Variants in CAMK1D observed in about 807,000 individuals in gnomAD.
The protein encoded by CAMK1D is calcium/calmodulin dependent protein kinase ID, also known as calcium/calmodulin-dependent protein kinase type 1D.
Under a neutral mutation model 47.7 loss-of-function variants are expected in CAMK1D, and 9 were observed. The observed-to-expected ratio is 0.19, with a 90% CI of 0.11 to 0.33. CAMK1D has a LOEUF of 0.33. Ranked by LOEUF, CAMK1D falls within the 10% of genes least tolerant of loss-of-function variation. CAMK1D has a pLI of 1.00. For synonymous variants in CAMK1D, 184 were observed against 184.9 expected, an observed-to-expected ratio of 0.99 and a Z score of 0.04; for missense variants, 291 against 488.7, an observed-to-expected ratio of 0.60 and a Z score of 3.81.
chr10:12,524,200 C>G (rs113678846), intron 1 of CAMK1D, among the ~76,000 whole-genome samples: 3 of 151,648 alleles, frequency 2.0e-5, no homozygotes, highest in African/African-American at 7.3e-5. Context: ...CTCCTGAGAT[C>G]GTAATCCGCC....
At chr10:12,637,404 C>G (rs1397198258) in intron 2 of CAMK1D, among the ~76,000 whole-genome samples, 1 of 152,204 alleles carries the variant, frequency 6.6e-6, no homozygotes, top group Non-Finnish European at 1.5e-5. Context: ...AAGTAGGTCC[C>G]TTCAGTGTTG....
rs187115703 is a variant in CAMK1D at position 12,772,461 on chromosome 10, G to A, written c.565+2662G>A. Among the ~76,000 whole-genome samples, 7 of 152,246 alleles carry A rather than the reference G, an allele frequency of 4.6e-5. 1 individual carries two copies. The highest frequency in any genetic ancestry group is 4.6e-4 in the Admixed American group (7 of 15,290). ...TTTAAATGCTCTGACAACCAGTGAC[G>A]GCCCCTAGCTACGTACGCATCACGT... is the stretch of plus-strand genomic sequence containing the variant. On this transcript the variant is annotated intron_variant, in intron 5 of 10. Transcript: ENST00000619168.
At chr10:12,700,558 T>C (rs1833478387) in intron 3 of CAMK1D, among the ~76,000 whole-genome samples, 4 of 152,214 alleles carry the variant, frequency 2.6e-5, no homozygotes, top group South Asian at 2.1e-4. Context: ...TACTCAGCCT[T>C]TCTGAGCTTA....
intron 2 of CAMK1D, among the ~76,000 whole-genome samples, chr10:12,629,439 G>C (rs1222907340): frequency 1.3e-5 from 2 of 152,184 alleles, no homozygotes; most frequent in African/African-American, 4.8e-5. Flanking sequence ...TGTGCATCCG[G>C]TGAAGATGCA....
chr10:12,761,139 C>T (rs1048355713), intron 4 of CAMK1D, 53 bp downstream of exon 4: 25 of 1,590,440 alleles, frequency 1.6e-5, no homozygotes, highest in Middle Eastern at 1.9e-4. Flanking sequence ...CCGCAATGCA[C>T]GCGACCAAGA....
At chr10:12,788,296 G>A (rs1385753163) in intron 5 of CAMK1D, among the ~76,000 whole-genome samples, 1 of 152,166 alleles carries the variant, frequency 6.6e-6, no homozygotes, top group African/African-American at 2.4e-5. Flanking sequence ...CACCTGGCAC[G>A]GGGCAGGAGG....
intron 1 of CAMK1D, among the ~76,000 whole-genome samples, chr10:12,419,746 G>T (rs1839986009): frequency 6.6e-6 from 1 of 151,814 alleles, no homozygotes; most frequent in African/African-American, 2.4e-5. Context: ...CAGCTTCTTA[G>T]GACTTTGTAT....
chr10:12,501,169 G>C (rs548640003), intron 1 of CAMK1D, among the ~76,000 whole-genome samples: 1 of 152,328 alleles, frequency 6.6e-6, no homozygotes, highest in African/African-American at 2.4e-5. Context: ...GGTAGTCCCA[G>C]CCTAAGTGGG....
At chr10:12,711,946 C>A (rs570335118) in intron 3 of CAMK1D, among the ~76,000 whole-genome samples, 2 of 152,164 alleles carry the variant, frequency 1.3e-5, no homozygotes, top group African/African-American at 2.4e-5. Flanking sequence ...TTTTCTCAGA[C>A]GTAATTTCAG....
At chr10:12,454,986 G>C (rs1353860740) in intron 1 of CAMK1D, among the ~76,000 whole-genome samples, 2 of 152,234 alleles carry the variant, frequency 1.3e-5, no homozygotes, top group African/African-American at 4.8e-5. Flanking sequence ...GGCTGGCCGA[G>C]TACAGTCTGG....
intron 2 of CAMK1D, among the ~76,000 whole-genome samples, chr10:12,591,277 C>T (rs887011645): frequency 6.6e-6 from 1 of 152,160 alleles, no homozygotes; most frequent in Non-Finnish European, 1.5e-5. Context: ...AGCAATTGGC[C>T]CGGCATGCCC....
At chr10:12,422,918 C>T (rs1215810387) in intron 1 of CAMK1D, among the ~76,000 whole-genome samples, 1 of 152,092 alleles carries the variant, frequency 6.6e-6, no homozygotes, top group African/African-American at 2.4e-5. Flanking sequence ...AGTGATTTGC[C>T]TGCCTTGGCC....
At chr10:12,750,872 A>G (rs1043031064) in intron 3 of CAMK1D, among the ~76,000 whole-genome samples, 1 of 152,144 alleles carries the variant, frequency 6.6e-6, no homozygotes, top group African/African-American at 2.4e-5. Flanking sequence ...CCAACTTGGC[A>G]AAACCATGTC....
intron 6 of CAMK1D, among the ~76,000 whole-genome samples, chr10:12,796,643 G>T (rs762243263): frequency 4.6e-5 from 7 of 152,024 alleles, no homozygotes; most frequent in Non-Finnish European, 7.4e-5. Context: ...CCGGGGGGTC[G>T]TGATGGCTGT....
rs553653046 is a variant in CAMK1D at position 12,549,163 on chromosome 10, C to G, written c.93-4062C>G. 8.5e-5 allele frequency among the ~76,000 whole-genome samples: 13 copies of G among 152,294 alleles called. No individual in the cohort carries two copies. The South Asian group carries it at 2.7e-3, about 32-fold the overall frequency. Reference sequence around the variant, plus strand: ...GAGCCACCGTGCCTGGCTTCCAGATCCTTTTCATCTTCCCAAATGGAAACT... The same window carrying G: ...GAGCCACCGTGCCTGGCTTCCAGATGCTTTTCATCTTCCCAAATGGAAACT... On this transcript the variant is annotated intron_variant, in intron 1 of 10. Transcript: ENST00000619168.
intron 1 of CAMK1D, among the ~76,000 whole-genome samples, chr10:12,470,908 T>TTG (rs368592828): frequency 6.6e-6 from 1 of 152,060 alleles, no homozygotes; most frequent in Non-Finnish European, 1.5e-5. Flanking sequence ...CCAAGCCACC[T>TTG]TGTGTGTGTG....
chr10:12,600,351 C>T lies in CAMK1D; in HGVS notation c.224+46995C>T, dbSNP rs950358398. Among the ~76,000 whole-genome samples the T allele has an allele frequency of 3.9e-5, 6 of 152,128 alleles. 1 individual carries two copies. The highest frequency in any genetic ancestry group is 3.3e-4 in the Admixed American group (5 of 15,266). ...CAATGGAATGAAACAATGGGCCCTA[C>T]GTTTTCACTCAGAGCTCAAGCTTTA... On this transcript the variant is annotated intron_variant, in intron 2 of 10. Coordinates refer to ENST00000619168, the MANE Select transcript of CAMK1D (RefSeq NM_153498.4).
intron 1 of CAMK1D, among the ~76,000 whole-genome samples, chr10:12,443,850 G>A (rs1286275474): frequency 6.6e-6 from 1 of 152,046 alleles, no homozygotes; most frequent in African/African-American, 2.4e-5. Flanking sequence ...GGATGGTCTC[G>A]AACTTTTGAC....
chr10:12,599,038 G>A (rs544541131), intron 2 of CAMK1D, among the ~76,000 whole-genome samples: 1 of 152,280 alleles, frequency 6.6e-6, no homozygotes, highest in South Asian at 2.1e-4. Flanking sequence ...GAGAGGGGGT[G>A]TGACCTGCCC....
Sources: gnomAD v4.1 joint callset for allele counts (sites outside exome capture counted in the v4.1 genomes callset) on GRCh38, gnomAD v4.1.1 for gene constraint, MANE v1.5 for transcripts, NCBI Gene and HGNC (gene_info 2026-07-23, HGNC 2026-07-21) for gene names.